The following AGXT variants were observed in gnomAD, a reference collection of about 807,000 sequenced individuals.
The protein encoded by AGXT is L-alanine: glyoxylate aminotransferase 1.
Under a neutral mutation model 46.9 loss-of-function variants are expected in AGXT, and 41 were observed. The ratio of observed to expected loss-of-function variants is 0.88; its 90% confidence interval spans 0.68 to 1.14. The LOEUF (loss-of-function observed/expected upper bound fraction) is 1.14, where lower values mean the gene tolerates loss of function less well. Among genes scored for constraint, AGXT ranks in the 50% most tolerant of loss-of-function variants. The pLI, the probability that AGXT is intolerant of heterozygous loss-of-function variation, is 0.00. For synonymous variants in AGXT, 244 were observed against 227.9 expected, an observed-to-expected ratio of 1.07 and a Z score of -0.64; for missense variants, 525 against 522.7, an observed-to-expected ratio of 1.00 and a Z score of -0.04.
intron 10 of AGXT, 90 bp from the exon 11 acceptor site, chr2:240,878,624 G>A: frequency 2.4e-6 from 3 of 1,271,578 alleles, no homozygotes; most frequent in South Asian, 1.3e-5. Flanking sequence ...CCTCACTCAG[G>A]TGAGCCCATC....
At position 240,879,185 on chromosome 2, in the gene AGXT, G is replaced by A. The variant is rs1004625044; in HGVS notation, c.*364G>A. ...TCTGCTCCCTGAGCTGCCTGATTGT[G>A]GACTTTAGGGGGACACTCCTCATCC... is the stretch of plus-strand genomic sequence containing the variant. On this transcript the variant is annotated 3_prime_UTR_variant, in exon 11 of 11. Transcript: ENST00000307503. The A allele has an allele frequency of 5.5e-6, 2 of 362,934 alleles. No individual in the cohort carries two copies. The highest frequency in any genetic ancestry group is 4.2e-5 in the Admixed American group (1 of 23,714). 22.5% of individuals were successfully genotyped at this position (362,934 alleles called of 1,614,324 possible).
chr2:240,873,918 G>A (rs1353990996), intron 5 of AGXT, 60 bp from the exon 6 acceptor site: 8 of 1,484,060 alleles, frequency 5.4e-6, no homozygotes, highest in South Asian at 3.4e-5. Context: ...CAGGCATCCC[G>A]CTGGACTGGC....
At chr2:240,876,517 G>A (rs1168974151) in intron 8 of AGXT, among the ~76,000 whole-genome samples, 1 of 152,316 alleles carries the variant, frequency 6.6e-6, no homozygotes, top group Non-Finnish European at 1.5e-5. Context: ...GGCTGAGAGT[G>A]GCCTCAGGCC....
intron 7 of AGXT, among the ~76,000 whole-genome samples, chr2:240,875,492 G>A (rs1377997312): frequency 3.3e-5 from 5 of 152,204 alleles, no homozygotes; most frequent in African/African-American, 9.7e-5. Context: ...CTTTGGACCT[G>A]GCCCTGCCAC....
intron 10 of AGXT, 145 bp from the exon 11 acceptor site, chr2:240,878,569 C>A (rs2106432309): frequency 1.3e-6 from 1 of 770,660 alleles, no homozygotes; most frequent in East Asian, 2.7e-5. Context: ...CCTCTGTGAC[C>A]TGCACAGGGC....
At chr2:240,874,398 C>T (rs1422833675) in intron 6 of AGXT, among the ~76,000 whole-genome samples, 1 of 152,248 alleles carries the variant, frequency 6.6e-6, no homozygotes, top group Non-Finnish European at 1.5e-5. Flanking sequence ...CAGGGGCTGC[C>T]CCAAGGGACA....
intron 10 of AGXT, 95 bp downstream of exon 10, chr2:240,878,245 C>T: frequency 1.3e-6 from 2 of 1,543,452 alleles, no homozygotes; most frequent in Non-Finnish European, 1.8e-6. Flanking sequence ...AGGCCGGGGT[C>T]ATCCGAAAGC....
At chr2:240,870,019 C>T (rs575439253) in intron 2 of AGXT, among the ~76,000 whole-genome samples, 1 of 152,290 alleles carries the variant, frequency 6.6e-6, no homozygotes, top group Admixed American at 6.5e-5. Context: ...CGGCAGAGGC[C>T]AGGACCCCAA....
At chr2:240,874,966 C>T in intron 6 of AGXT, 143 bp from the exon 7 acceptor site, 1 of 708,982 alleles carries the variant, frequency 1.4e-6, no homozygotes, top group Non-Finnish European at 2.5e-6. Context: ...CCACTCTGGC[C>T]CCTGAGCACA....
rs765404896 is a variant in AGXT at position 240,873,101 on chromosome 2, G to A, written c.595+52G>A. The A allele has an allele frequency of 5.4e-5, 81 of 1,504,544 alleles. 1 individual carries two copies. Among genetic ancestry groups the A allele is most frequent in the Middle Eastern group, 5.1e-4 (3 of 5,844 alleles). The allele number at this position is 1,504,544 out of a possible 1,614,324, so 93.2% of individuals were successfully genotyped here. A position where few individuals can be genotyped will look rare whatever the true frequency, so the allele number is the denominator to read the frequency against. Reference sequence around the variant, plus strand: ...CCAGCCCAAGCAGCCTTGGGGCTCCGCGTGCAGGAAGCCCTGCTGGAAGCG... The same window carrying A: ...CCAGCCCAAGCAGCCTTGGGGCTCCACGTGCAGGAAGCCCTGCTGGAAGCG... On this transcript the variant is annotated intron_variant, in intron 5 of 10. Coordinates refer to ENST00000307503, the MANE Select transcript of AGXT (RefSeq NM_000030.3).
chr2:240,874,663 G>A (rs1224566536), intron 6 of AGXT, among the ~76,000 whole-genome samples: 1 of 152,188 alleles, frequency 6.6e-6, no homozygotes, highest in East Asian at 1.9e-4. Context: ...TGAAGGAAGC[G>A]GCTGGGTGTG....
chr2:240,877,995 A>G (rs2059037076), intron 9 of AGXT, 27 bp from the exon 10 acceptor site: 1 of 1,607,736 alleles, frequency 6.2e-7, no homozygotes, highest in Non-Finnish European at 8.5e-7. Context: ...CCTCTCACCC[A>G]CGCACTGAGC....
In AGXT at chr2:240,873,977, GGCATC is replaced by G. The variant is rs1468909944; in HGVS notation, c.597_601del (p.Ile200HisfsTer23). ...GTCCCGAGCAAACCACCCATCTACA[GGCATC>G]GACATCCTGTACTCGGGCTCCCAGA... On this transcript the variant is annotated frameshift_variant and splice_region_variant, in exon 6 of 11. Coordinates refer to ENST00000307503, the MANE Select transcript of AGXT (RefSeq NM_000030.3). LOFTEE classifies it high-confidence loss of function. 1 of 1,613,606 alleles carries G rather than the reference GGCATC, an allele frequency of 6.2e-7. No individual in the cohort carries two copies. Among genetic ancestry groups the G allele is most frequent in the Admixed American group, 1.7e-5 (1 of 60,030 alleles).
At chr2:240,877,704 C>T (rs1315371654) in intron 9 of AGXT, 72 bp downstream of exon 9, 1 of 1,467,786 alleles carries the variant, frequency 6.8e-7, no homozygotes, top group Admixed American at 2.0e-5. Context: ...CCAGCCCCCT[C>T]AAGAGGGACA....
At chr2:240,877,732 G>T in intron 9 of AGXT, 100 bp downstream of exon 9, 1 of 1,342,926 alleles carries the variant, frequency 7.4e-7, no homozygotes, top group Non-Finnish European at 1.0e-6. Flanking sequence ...CTGAGAAGGA[G>T]GGGGCGGCTG....
At chr2:240,870,534 TG>T in intron 2 of AGXT, 109 bp from the exon 3 acceptor site, 1 of 1,286,794 alleles carries the variant, frequency 7.8e-7, no homozygotes, top group Non-Finnish European at 1.1e-6. Flanking sequence ...GGTGCCACGG[TG>T]GGTGGGGTCC....
intron 5 of AGXT, chr2:240,873,542 G>C (rs1032651760): frequency 8.2e-5 from 23 of 280,070 alleles, no homozygotes; most frequent in Admixed American, 2.0e-4. Context: ...TTACGGGAGA[G>C]AGCCTGCACA....
chr2:240,873,987 TC>T lies in AGXT; in HGVS notation c.607del (p.Leu203CysfsTer9). ...PLYMDRQGID[I>X]LYSGSQKALN... ...AACCACCCATCTACAGGCATCGACATCCTGTACTCGGGCTCCCAGAAGGCCC... is the reference window on the plus strand; with the variant it reads ...AACCACCCATCTACAGGCATCGACATCTGTACTCGGGCTCCCAGAAGGCCC... On this transcript the variant is annotated frameshift_variant, in exon 6 of 11. Coordinates refer to ENST00000307503, the MANE Select transcript of AGXT (RefSeq NM_000030.3). LOFTEE classifies it high-confidence loss of function. The T allele has an allele frequency of 6.2e-7, 1 of 1,613,642 alleles. No homozygotes were observed.
At chr2:240,876,959 C>T (rs2059027679) in intron 8 of AGXT, 1 of 231,932 alleles carries the variant, frequency 4.3e-6, no homozygotes, top group Non-Finnish European at 8.8e-6. Flanking sequence ...GAAGACGGGC[C>T]AGGGCCAGAG....
Sources: gnomAD v4.1 joint callset for allele counts (sites outside exome capture counted in the v4.1 genomes callset) on GRCh38, gnomAD v4.1.1 for gene constraint, MANE v1.5 for transcripts, NCBI Gene and HGNC (gene_info 2026-07-23, HGNC 2026-07-21) for gene names.